The following LOXL3 variants were observed in gnomAD, a reference collection of about 807,000 sequenced individuals.
The protein encoded by LOXL3 is lysyl oxidase homolog 3.
In LOXL3, 60 loss-of-function variants were observed where a neutral mutation model predicts 91.8. That is an observed-to-expected ratio of 0.65 (90% CI 0.53 to 0.81). LOXL3 has a LOEUF of 0.81. Ranked by LOEUF, LOXL3 falls within the 30% of genes least tolerant of loss-of-function variation. LOXL3 has a pLI of 0.00. For synonymous variants in LOXL3, 355 were observed against 387.6 expected (o/e 0.92, Z 0.99); for missense variants, 874 against 1,000.4 (o/e 0.87, Z 1.70).
chr2:74,534,305 C>T lies in LOXL3; in HGVS notation c.1939+11G>A, dbSNP rs1675852527. On this transcript the variant is annotated intron_variant, in intron 11 of 13. Transcript: ENST00000264094. Reference sequence around the variant, plus strand: ...TGGATACCATGTGGTTCACTTCAGTCCCCAACTCACCCTCCTGACACTCAG... The same window carrying T: ...TGGATACCATGTGGTTCACTTCAGTTCCCAACTCACCCTCCTGACACTCAG... 1.2e-6 allele frequency: 2 copies of T among 1,614,180 alleles called. No homozygotes were observed. Among genetic ancestry groups the T allele is most frequent in the East Asian group, 2.2e-5 (1 of 44,892 alleles).
chr2:74,536,411 C>A lies in LOXL3; in HGVS notation c.973G>T (p.Ala325Ser). Residue 325 changes from alanine to serine, a missense_variant, in exon 6 of 14, where the codon GCC becomes TCC. Physicochemically the swap from Ala to Ser is moderately conservative, Grantham distance 99. Coordinates refer to ENST00000264094, the MANE Select transcript of LOXL3 (RefSeq NM_032603.5). The surrounding 1 kb of genome is among the most constrained non-coding windows in gnomAD (Gnocchi z 4.5). ...TCACAGACTGTGCCCCATGTGCTGG[C>A]CTTCAGGACTTCTACCCGGCCCTCT... ...PGEGRVEVLK[A>S]STWGTVCDRK... The A allele has an allele frequency of 6.2e-7, 1 of 1,614,186 alleles. No individual in the cohort carries two copies.
chr2:74,550,392 G>A (rs1020778156), intron 2 of LOXL3, 44 bp from the exon 3 acceptor site: 6 of 1,591,072 alleles, frequency 3.8e-6, no homozygotes, highest in Non-Finnish European at 5.1e-6. Flanking sequence ...TGGGGAGGGA[G>A]GATGGGGGAG....
chr2:74,550,417 G>C (rs2104446138), intron 2 of LOXL3, 69 bp from the exon 3 acceptor site: 1 of 1,529,302 alleles, frequency 6.5e-7, no homozygotes, highest in South Asian at 1.2e-5. Context: ...GGGGATGTAG[G>C]GAAGAGTGAG....
At chr2:74,542,099 C>G (rs1676356339) in intron 4 of LOXL3, among the ~76,000 whole-genome samples, 1 of 152,156 alleles carries the variant, frequency 6.6e-6, no homozygotes, top group Admixed American at 6.5e-5. Context: ...TTGAGACCAG[C>G]CTGGGCAACA....
At chr2:74,545,207 T>G (rs1002773659) in intron 4 of LOXL3, among the ~76,000 whole-genome samples, 28 of 152,186 alleles carry the variant, frequency 1.8e-4, no homozygotes, top group Admixed American at 1.4e-3. Context: ...TCATTCTCTA[T>G]GTTCTATCAG....
chr2:74,533,836 C>T (rs1675811236), intron 13 of LOXL3, 46 bp downstream of exon 13: 10 of 1,515,700 alleles, frequency 6.6e-6, no homozygotes, highest in African/African-American at 1.4e-5. Context: ...GAACGTCTTT[C>T]CCTCCCATCC....
chr2:74,537,626 G>A (rs1676102306), intron 4 of LOXL3, among the ~76,000 whole-genome samples: 1 of 152,230 alleles, frequency 6.6e-6, no homozygotes. Context: ...AAATGGCAAA[G>A]ACATCCCAGG....
In LOXL3 at chr2:74,535,597, G is replaced by A. The variant is rs568254745; in HGVS notation, c.1407C>T (p.His469=). 40 of 1,613,986 alleles carry A rather than the reference G, an allele frequency of 2.5e-5. No homozygotes were observed. The South Asian group carries it at 2.7e-4, about 11-fold the overall frequency. ...CRQLGLGYAN[H]GLQETWYWDS... is the part of the protein sequence containing the mutation. ...TTTCCTTCCCACTCACCTGCAGGCCGTGGTTGGCGTAGCCCAGACCCAGTT... is the reference window on the plus strand; with the variant it reads ...TTTCCTTCCCACTCACCTGCAGGCCATGGTTGGCGTAGCCCAGACCCAGTT... The change falls in exon 8 of 14, where the codon CAC becomes CAT. Residue 469 remains histidine, a synonymous_variant. Coordinates refer to ENST00000264094, the MANE Select transcript of LOXL3 (RefSeq NM_032603.5). The surrounding 1 kb of genome is among the most constrained non-coding windows in gnomAD (Gnocchi z 4.2).
At chr2:74,539,309 T>C (rs189804259) in intron 4 of LOXL3, among the ~76,000 whole-genome samples, 2 of 152,306 alleles carry the variant, frequency 1.3e-5, no homozygotes, top group Middle Eastern at 3.4e-3. Context: ...ATTTTCCGCA[T>C]CCACCGTCTG....
intron 4 of LOXL3, among the ~76,000 whole-genome samples, chr2:74,547,638 A>T (rs1200225891): frequency 1.3e-5 from 2 of 152,112 alleles, no homozygotes; most frequent in Non-Finnish European, 2.9e-5. Flanking sequence ...GAGCAGGTAT[A>T]GAAAAGACTG....
upstream of LOXL3, chr2:74,554,476 C>T: frequency 1.9e-6 from 1 of 522,728 alleles, no homozygotes; most frequent in Non-Finnish European, 3.4e-6. This position sits in a 1 kb window ranked among gnomAD's most constrained non-coding sequence, Gnocchi z 4.9. Flanking sequence ...GCCACCACGC[C>T]CAGAGGCCAG....
At position 74,549,807 on chromosome 2, in the gene LOXL3, C is replaced by T. The variant is rs1232314339; in HGVS notation, c.478-224G>A. ...GTGCTCCCAGAGAGGATTCAGGGCA[C>T]TAGGAAGGAGGCCCTCCCTGTGCCT... is the stretch of plus-strand genomic sequence containing the variant. On this transcript the variant is annotated intron_variant, in intron 3 of 13. Coordinates refer to ENST00000264094, the MANE Select transcript of LOXL3 (RefSeq NM_032603.5). This position sits in a 1 kb window ranked among gnomAD's most constrained non-coding sequence, Gnocchi z 5.3. The T allele has an allele frequency of 1.6e-5, 22 of 1,410,438 alleles. No individual in the cohort carries two copies. The highest frequency in any genetic ancestry group is 1.8e-6 in the Non-Finnish European group (2 of 1,086,876). 87.4% of individuals were successfully genotyped at this position (1,410,438 alleles called of 1,614,324 possible).
At chr2:74,550,046 T>G in intron 3 of LOXL3, 139 bp downstream of exon 3, 1 of 1,474,956 alleles carries the variant, frequency 6.8e-7, no homozygotes, top group Non-Finnish European at 8.9e-7. Flanking sequence ...CTGGGAGCTC[T>G]ATCATTTGCT....
intron 4 of LOXL3, among the ~76,000 whole-genome samples, chr2:74,545,175 A>G (rs1030834188): frequency 2.0e-5 from 3 of 152,188 alleles, no homozygotes; most frequent in Non-Finnish European, 2.9e-5. Flanking sequence ...CAGCATCGGA[A>G]TCATTTTAGG....
At position 74,532,641 on chromosome 2, in the gene LOXL3, C is replaced by T. The variant is rs1407675367; in HGVS notation, c.*965G>A. 13 of 1,613,560 alleles carry T rather than the reference C, an allele frequency of 8.1e-6. No homozygotes were observed. The highest frequency in any genetic ancestry group is 2.7e-5 in the African/African-American group (2 of 75,014). ...CAGCATCCTTGCTGAACTACAGCTT[C>T]GAGAACCAAGCTTTCCCGATGTTCA... On this transcript the variant is annotated 3_prime_UTR_variant, in exon 14 of 14. Transcript: ENST00000264094.
At chr2:74,547,997 TG>T in intron 4 of LOXL3, among the ~76,000 whole-genome samples, 1 of 152,382 alleles carries the variant, frequency 6.6e-6, no homozygotes, top group Non-Finnish European at 1.5e-5. Flanking sequence ...GTTACATCAT[TG>T]AAGTGTTCTG....
upstream of LOXL3, chr2:74,554,623 C>A: frequency 1.2e-6 from 1 of 815,890 alleles, no homozygotes; most frequent in Non-Finnish European, 1.9e-6. The surrounding 1 kb of genome is among the most constrained non-coding windows in gnomAD (Gnocchi z 4.9). Flanking sequence ...CTCCCTCACC[C>A]CACCGCGACC....
chr2:74,537,857 C>T (rs550031641), intron 4 of LOXL3, among the ~76,000 whole-genome samples: 10 of 152,142 alleles, frequency 6.6e-5, no homozygotes, highest in African/African-American at 7.2e-5. Flanking sequence ...ACACTCTGCC[C>T]GCAGAGAAAG....
chr2:74,535,224 C>T lies in LOXL3; in HGVS notation c.1579+68G>A. On this transcript the variant is annotated intron_variant, in intron 9 of 13. Transcript: ENST00000264094. This position sits in a 1 kb window ranked among gnomAD's most constrained non-coding sequence, Gnocchi z 4.2. ...GAAGTGCCCCTCCAGATTACAGCCC[C>T]CTTTCCCTGCAAACGGGTGGCCCAG... 2 of 1,530,532 alleles carry T rather than the reference C, an allele frequency of 1.3e-6. No homozygotes were observed. The highest frequency in any genetic ancestry group is 1.8e-6 in the Non-Finnish European group (2 of 1,133,252). 94.8% of individuals were successfully genotyped at this position (1,530,532 alleles called of 1,614,324 possible). A position where few individuals can be genotyped will look rare whatever the true frequency, so the allele number is the denominator to read the frequency against.
Sources: allele counts gnomAD v4.1 joint callset (sites outside exome capture counted in the v4.1 genomes callset), GRCh38; gene constraint gnomAD v4.1.1; non-coding constraint Gnocchi (gnomAD v3.1); transcripts MANE v1.5; gene names NCBI Gene and HGNC (gene_info 2026-07-23, HGNC 2026-07-21).